SMG6: variants seen among roughly 807,000 people sequenced by gnomAD.
SMG6 encodes the protein SMG6 nonsense mediated mRNA decay factor, also known as telomerase-binding protein EST1A.
SMG6 carries 66 observed loss-of-function variants against 142.2 expected under a neutral mutation model. That is an observed-to-expected ratio of 0.46 (90% CI 0.38 to 0.57). The LOEUF (loss-of-function observed/expected upper bound fraction) is 0.57, where lower values mean the gene tolerates loss of function less well. Ranked by LOEUF, SMG6 falls within the 20% of genes least tolerant of loss-of-function variation. The pLI, the probability that SMG6 is intolerant of heterozygous loss-of-function variation, is 0.00. For missense variants in SMG6, 1,793 were observed against 1,832.0 expected (o/e 0.98, Z 0.39); for synonymous variants, 779 against 702.4 (o/e 1.11, Z -1.72).
Position 2,126,755 on chromosome 17 carries a change from T to C in SMG6, c.3358-40854A>G, listed in dbSNP as rs568971504. ...AAAAGCAAACTGGACTTTATCAAAA[T>C]TAAACACTTTTGTGCATCAAAGGTG... On this transcript the variant is annotated intron_variant, in intron 13 of 18. Transcript: ENST00000263073. Among the ~76,000 whole-genome samples the C allele has an allele frequency of 3.5e-5, 5 of 141,704 alleles. No homozygotes were observed. The South Asian group carries it at 1.1e-3, about 32-fold the overall frequency. The allele number at this position is 141,704 out of a possible 152,430, so 93.0% of individuals were successfully genotyped here. A position where few individuals can be genotyped will look rare whatever the true frequency, so the allele number is the denominator to read the frequency against.
At chr17:2,088,339 A>G (rs748016158) in intron 13 of SMG6, 244 of 985,264 alleles carry the variant, frequency 2.5e-4, no homozygotes, top group Middle Eastern at 5.2e-4. Flanking sequence ...AGGGATGTGG[A>G]CATCCTGAGG....
At chr17:2,283,351 C>G (rs192532391) in intron 7 of SMG6, among the ~76,000 whole-genome samples, 5 of 152,140 alleles carry the variant, frequency 3.3e-5, no homozygotes, top group African/African-American at 9.7e-5. Flanking sequence ...CTGTAGAGCA[C>G]GTACATGTAC....
chr17:2,241,380 T>C (rs1160334904), intron 9 of SMG6, among the ~76,000 whole-genome samples: 2 of 152,178 alleles, frequency 1.3e-5, no homozygotes, highest in African/African-American at 4.8e-5. Flanking sequence ...CAGAAGCCAA[T>C]TTCTCTTACT....
chr17:2,224,949 A>G (rs1175422034), intron 10 of SMG6, among the ~76,000 whole-genome samples: 1 of 152,236 alleles, frequency 6.6e-6, no homozygotes, highest in East Asian at 1.9e-4. Flanking sequence ...GAAAGCCCAA[A>G]GATGTAGTAA....
At chr17:2,066,688 C>CACACACACACACAT in intron 16 of SMG6, among the ~76,000 whole-genome samples, 2 of 150,976 alleles carry the variant, frequency 1.3e-5, no homozygotes, top group African/African-American at 2.4e-5. Flanking sequence ...CACACACACA[C>CACACACACACACAT]ACACACAATG....
At chr17:2,159,458 CAT>C (rs1402282706) in intron 13 of SMG6, among the ~76,000 whole-genome samples, 1 of 151,972 alleles carries the variant, frequency 6.6e-6, no homozygotes, top group Non-Finnish European at 1.5e-5. Context: ...CCTCCAAAAA[CAT>C]AAAACCAAAA....
rs183781729 is a variant in SMG6, at chr17:2,185,162, A to T, written c.3155+1501T>A. ...GGACATCCCACATGAACACATACAG[A>T]TAACAACACACGTGGCCACAGTTGG... On this transcript the variant is annotated intron_variant, in intron 12 of 18. Transcript: ENST00000263073. 2.3e-3 allele frequency among the ~76,000 whole-genome samples: 348 copies of T among 152,252 alleles called. 4 individuals carry two copies. The highest frequency in any genetic ancestry group is 0.021 in the South Asian group (102 of 4,818).
At chr17:2,124,905 G>A (rs1011536526) in intron 13 of SMG6, among the ~76,000 whole-genome samples, 5 of 152,140 alleles carry the variant, frequency 3.3e-5, no homozygotes, top group African/African-American at 1.2e-4. Flanking sequence ...AACCATGATT[G>A]GCACCGAAAG....
intron 4 of SMG6, among the ~76,000 whole-genome samples, chr17:2,295,943 C>CCTTT (rs956043409): frequency 1.3e-5 from 2 of 152,098 alleles, no homozygotes; most frequent in African/African-American, 4.8e-5. Flanking sequence ...CATTCTATTT[C>CCTTT]CTTTCTTTCT....
At chr17:2,172,592 G>T in intron 13 of SMG6, 66 bp downstream of exon 13, 2 of 1,555,418 alleles carry the variant, frequency 1.3e-6, no homozygotes, top group South Asian at 1.1e-5. Flanking sequence ...AACTTCCCAA[G>T]AATAAAAAAG....
intron 14 of SMG6, chr17:2,082,157 C>G: frequency 1.7e-6 from 1 of 580,720 alleles, no homozygotes; most frequent in Non-Finnish European, 3.1e-6. Flanking sequence ...CGGAGCTGCT[C>G]TCTTTTATAC....
rs189759638 is a variant in SMG6, at chr17:2,128,192, T to G, written c.3358-42291A>C. The stretch of plus-strand genomic sequence containing the variant: ...TCCACGCGCCGCTTTGTCCAGCCAG[T>G]GGGGCGGCATACCCAAGGCACGAGT... On this transcript the variant is annotated intron_variant, in intron 13 of 18. Coordinates refer to ENST00000263073, the MANE Select transcript of SMG6 (RefSeq NM_017575.5). Among the ~76,000 whole-genome samples, 106 of 152,314 alleles carry G rather than the reference T, an allele frequency of 7.0e-4. No homozygotes were observed. In the Middle Eastern group the frequency reaches 0.01, roughly 15 times the overall value.
At chr17:2,155,563 T>C (rs1567643254) in intron 13 of SMG6, among the ~76,000 whole-genome samples, 4 of 152,174 alleles carry the variant, frequency 2.6e-5, no homozygotes, top group Admixed American at 2.0e-4. Context: ...GAAAAAGATG[T>C]GTGTTACAGC....
chr17:2,287,673 C>T (rs951570077), intron 6 of SMG6, among the ~76,000 whole-genome samples: 2 of 152,116 alleles, frequency 1.3e-5, no homozygotes, highest in East Asian at 1.9e-4. Context: ...GGTGAACGTA[C>T]ATATAAAATG....
chr17:2,255,484 G>C (rs2074151593), intron 8 of SMG6, among the ~76,000 whole-genome samples: 1 of 150,104 alleles, frequency 6.7e-6, no homozygotes, highest in Non-Finnish European at 1.5e-5. Context: ...AGTGACATGA[G>C]CAAACCTGTA....
In SMG6 at chr17:2,186,697, T is replaced by A. The variant is rs2071998003; in HGVS notation, c.3121A>T (p.Asn1041Tyr). The A allele has an allele frequency of 4.3e-6, 7 of 1,614,024 alleles. No homozygotes were observed. In the Admixed American group the frequency reaches 6.7e-5, roughly 15 times the overall value. ...DWMLGYPDTW[N>Y]PPPTSLDLPS... ...AGATCCAGGGATGTGGGAGGAGGAT[T>A]CCAGGTGTCCGGGTAGCCGAGCATC... Residue 1041 changes from asparagine to tyrosine, a missense_variant, in exon 12 of 19, where the codon AAT becomes TAT. Coordinates refer to ENST00000263073, the MANE Select transcript of SMG6 (RefSeq NM_017575.5).
At chr17:2,138,854 T>C (rs991594782) in intron 13 of SMG6, among the ~76,000 whole-genome samples, 5 of 152,220 alleles carry the variant, frequency 3.3e-5, no homozygotes, top group South Asian at 4.1e-4. Context: ...ATGTATTTCA[T>C]AGAGCAAGCT....
rs567018148 is a variant in SMG6 at position 2,226,738 on chromosome 17, T to C, written c.2869+9754A>G. 5.3e-5 allele frequency among the ~76,000 whole-genome samples: 8 copies of C among 151,606 alleles called. No individual in the cohort carries two copies. The East Asian group carries it at 1.6e-3, about 29-fold the overall frequency. On this transcript the variant is annotated intron_variant, in intron 10 of 18. Transcript: ENST00000263073. ...GGTGAAACCCCGTATCTACTAAAAA[T>C]ACAAAAATTAGCCAGGCGTGGTGGT...
At chr17:2,275,006 CA>C (rs57628038) in intron 8 of SMG6, among the ~76,000 whole-genome samples, 50,146 of 115,808 alleles carry the variant, frequency 0.43, 8,483 homozygotes, top group Middle Eastern at 0.53. Context: ...AAAGCATGGG[CA>C]AAAAAAAAAA....
Sources: allele counts gnomAD v4.1 joint callset (sites outside exome capture counted in the v4.1 genomes callset), GRCh38; gene constraint gnomAD v4.1.1; transcripts MANE v1.5; gene names NCBI Gene and HGNC (gene_info 2026-07-23, HGNC 2026-07-21).